LARGE1: variants seen among roughly 807,000 people sequenced by gnomAD.
The protein encoded by LARGE1 is xylosyl- and glucuronyltransferase LARGE1.
In LARGE1, 43 loss-of-function variants were observed where a neutral mutation model predicts 87.6. The ratio of observed to expected loss-of-function variants is 0.49; its 90% CI spans 0.38 to 0.63. The LOEUF (loss-of-function observed/expected upper bound fraction) is 0.63. Among genes scored for constraint, LARGE1 ranks in the 30% least tolerant of loss-of-function variants. The pLI is 0.00. For synonymous variants in LARGE1, 434 were observed against 394.6 expected (o/e 1.10, Z -1.18); for missense variants, 802 against 1,000.2 (o/e 0.80, Z 2.67).
chr22:33,403,146 ACT>A (rs1179810181), intron 7 of LARGE1, among the ~76,000 whole-genome samples: 62 of 152,194 alleles, frequency 4.1e-4, no homozygotes, highest in African/African-American at 1.5e-3. Context: ...GTGGCACCAA[ACT>A]CTGAGCTCCC....
chr22:33,355,194 T>G (rs1321735112), intron 9 of LARGE1, among the ~76,000 whole-genome samples: 1 of 152,236 alleles, frequency 6.6e-6, no homozygotes, highest in Non-Finnish European at 1.5e-5. Context: ...GGCCCCTGTG[T>G]TCATTCGTAC....
intron 6 of LARGE1, among the ~76,000 whole-genome samples, chr22:33,497,433 A>G (rs2070193059): frequency 6.6e-6 from 1 of 152,150 alleles, no homozygotes; most frequent in African/African-American, 2.4e-5. Flanking sequence ...ATCACTATAA[A>G]CTAGGGACAA....
intron 1 of LARGE1, among the ~76,000 whole-genome samples, chr22:33,886,468 G>A (rs2064847534): frequency 6.6e-6 from 1 of 152,030 alleles, no homozygotes; most frequent in Non-Finnish European, 1.5e-5. Flanking sequence ...ACTTAAGCCA[G>A]GAGTTCAAGA....
chr22:33,440,346 C>A (rs1420879308), intron 6 of LARGE1, among the ~76,000 whole-genome samples: 1 of 152,218 alleles, frequency 6.6e-6, no homozygotes. Context: ...GTGGCTCTAG[C>A]TGTGATCTGC....
chr22:33,394,538 G>A (rs1458705490), intron 7 of LARGE1, among the ~76,000 whole-genome samples: 2 of 152,080 alleles, frequency 1.3e-5, no homozygotes, highest in South Asian at 4.1e-4. Flanking sequence ...CAAAGTAGAT[G>A]GAATTATCTC....
intron 1 of LARGE1, among the ~76,000 whole-genome samples, chr22:33,879,998 A>G (rs2064623930): frequency 6.6e-6 from 1 of 152,204 alleles, no homozygotes; most frequent in Non-Finnish European, 1.5e-5. Context: ...GTTCTTCCCC[A>G]TGGGTGGCTT....
intron 2 of LARGE1, chr22:33,725,476 T>C (rs1601430169): frequency 6.6e-6 from 1 of 151,748 alleles, no homozygotes; most frequent in Non-Finnish European, 1.5e-5. Context: ...AACAAGGTCA[T>C]TTACCTGTCA....
chr22:33,473,942 T>C (rs1449623917), intron 6 of LARGE1, among the ~76,000 whole-genome samples: 1 of 152,188 alleles, frequency 6.6e-6, no homozygotes, highest in Non-Finnish European at 1.5e-5. Context: ...CATCCCACAG[T>C]TTGAAGACAT....
chr22:33,249,056 TC>T (rs1357555340), intron 11 of LARGE1, among the ~76,000 whole-genome samples: 1 of 152,202 alleles, frequency 6.6e-6, no homozygotes, highest in Non-Finnish European at 1.5e-5. Flanking sequence ...AGTTTTCAAC[TC>T]CCTTGGGTAA....
At chr22:33,593,432 G>C (rs1414167541) in intron 5 of LARGE1, among the ~76,000 whole-genome samples, 1 of 152,062 alleles carries the variant, frequency 6.6e-6, no homozygotes, top group Non-Finnish European at 1.5e-5. Context: ...GGTATTCTTG[G>C]GTCTCTGTCT....
At chr22:33,785,050 T>C (rs1194739819) in intron 1 of LARGE1, among the ~76,000 whole-genome samples, 1 of 149,016 alleles carries the variant, frequency 6.7e-6, no homozygotes, top group Non-Finnish European at 1.5e-5. Context: ...TGTGTATACA[T>C]ACATGTGTAT....
At chr22:33,571,625 T>C (rs1478124240) in intron 5 of LARGE1, among the ~76,000 whole-genome samples, 1 of 152,210 alleles carries the variant, frequency 6.6e-6, no homozygotes, top group Non-Finnish European at 1.5e-5. Flanking sequence ...CCAGTAAAGA[T>C]AATAATAGAA....
At chr22:33,589,415 TA>T (rs1228940506) in intron 5 of LARGE1, among the ~76,000 whole-genome samples, 1 of 152,366 alleles carries the variant, frequency 6.6e-6, no homozygotes, top group East Asian at 1.9e-4. Context: ...TTGTTCTGTT[TA>T]TTAATATTTC....
At chr22:33,566,843 GCTAA>G (rs1001861339) in intron 5 of LARGE1, among the ~76,000 whole-genome samples, 35 of 152,140 alleles carry the variant, frequency 2.3e-4, no homozygotes, top group African/African-American at 8.2e-4. Context: ...TTTACAGAGT[GCTAA>G]CTGATGCATT....
chr22:33,371,971 G>A (rs552721979), intron 9 of LARGE1, among the ~76,000 whole-genome samples: 19 of 148,420 alleles, frequency 1.3e-4, no homozygotes, highest in Admixed American at 5.4e-4. Flanking sequence ...GCGACAGAGC[G>A]AGACTCCATC....
intron 2 of LARGE1, among the ~76,000 whole-genome samples, chr22:33,673,536 A>T (rs2081478128): frequency 6.6e-6 from 1 of 152,156 alleles, no homozygotes; most frequent in Admixed American, 6.5e-5. Context: ...GGTAAAATAT[A>T]CGTAACATAA....
chr22:33,146,130 G>A, the LARGE1 span, among the ~76,000 whole-genome samples: 3 of 152,186 alleles, frequency 2.0e-5, no homozygotes, highest in African/African-American at 7.2e-5. Flanking sequence ...AATATCCTTG[G>A]GACAAATACA....
chr22:33,781,262 G>T (rs1266065326), intron 1 of LARGE1, among the ~76,000 whole-genome samples: 1 of 152,176 alleles, frequency 6.6e-6, no homozygotes, highest in Non-Finnish European at 1.5e-5. Context: ...ACTTTGGGAG[G>T]CCAAGATGGG....
chr22:33,719,670 A>G (rs2083029522), intron 2 of LARGE1, among the ~76,000 whole-genome samples: 1 of 151,976 alleles, frequency 6.6e-6, no homozygotes, highest in Admixed American at 6.6e-5. Flanking sequence ...ACAGGTGCCC[A>G]CCACAACGCC....
Sources: gnomAD v4.1 joint callset for allele counts (sites outside exome capture counted in the v4.1 genomes callset) on GRCh38, gnomAD v4.1.1 for gene constraint, MANE v1.5 for transcripts, NCBI Gene and HGNC (gene_info 2026-07-23, HGNC 2026-07-21) for gene names.